The following GLT1D1 variants were observed in gnomAD, a reference collection of about 807,000 sequenced individuals.
GLT1D1 encodes the protein glycosyltransferase 1 domain containing 1.
In GLT1D1, 21 loss-of-function variants were observed where a neutral mutation model predicts 28.7. The observed-to-expected ratio is 0.73, with a 90% confidence interval of 0.52 to 1.05. The LOEUF is 1.05. Among genes scored for constraint, GLT1D1 ranks in the 50% least tolerant of loss-of-function variants. The probability of loss-of-function intolerance (pLI) is 0.00; values close to 1 mark genes in which losing one functional copy is unlikely to be tolerated. For synonymous variants in GLT1D1, 147 were observed against 124.8 expected (o/e 1.18, Z -1.19); for missense variants, 343 against 330.6 (o/e 1.04, Z -0.29).
chr12:128,869,728 A>G (rs983412566), intron 1 of GLT1D1, among the ~76,000 whole-genome samples: 5 of 152,008 alleles, frequency 3.3e-5, no homozygotes, highest in Non-Finnish European at 5.9e-5. Flanking sequence ...TTACTGGACT[A>G]TGGGGGCCTG....
intron 4 of GLT1D1, among the ~76,000 whole-genome samples, chr12:128,942,713 A>C (rs1341423942): frequency 1.4e-5 from 2 of 141,772 alleles, no homozygotes; most frequent in Admixed American, 7.1e-5. Context: ...CTCAGGAATC[A>C]CTTTAGATTC....
At chr12:128,968,203 G>T (rs2135534924) in intron 7 of GLT1D1, among the ~76,000 whole-genome samples, 1 of 151,898 alleles carries the variant, frequency 6.6e-6, no homozygotes, top group East Asian at 2.0e-4. Flanking sequence ...CACAGTGTTA[G>T]CCAAGATGGT....
chr12:128,872,845 CTCTT>C (rs1158392379), intron 1 of GLT1D1, among the ~76,000 whole-genome samples: 3 of 152,042 alleles, frequency 2.0e-5, no homozygotes, highest in Admixed American at 6.5e-5. Context: ...GCTCGTGTGT[CTCTT>C]TCTTTCTTTC....
chr12:128,984,922 G>A lies in GLT1D1; in HGVS notation c.*1832G>A, dbSNP rs943823911. On this transcript the variant is annotated 3_prime_UTR_variant, in exon 8 of 8. Transcript: ENST00000281703. ...ATGCCTCACGCACTATGTGGGAAGG[G>A]CGTGTTTTTAAATTAATAAAGTGTG... 1 of 152,200 alleles carries A rather than the reference G, an allele frequency of 6.6e-6. No homozygotes were observed. The allele number at this position is 152,200 out of a possible 1,614,324, so 9.4% of individuals were successfully genotyped here.
chr12:128,910,264 C>CTT (rs11361008), intron 4 of GLT1D1, among the ~76,000 whole-genome samples: 4,521 of 114,148 alleles, frequency 0.04, 274 homozygotes, highest in African/African-American at 0.13. Context: ...AAGTTTAACT[C>CTT]TTTTTTTTTT....
chr12:128,861,705 G>A (rs1429118114), intron 1 of GLT1D1, among the ~76,000 whole-genome samples: 1 of 152,200 alleles, frequency 6.6e-6, no homozygotes, highest in Non-Finnish European at 1.5e-5. Flanking sequence ...TTTAGATAAT[G>A]GGGGCAGATC....
chr12:128,890,252 C>T (rs543492762), intron 3 of GLT1D1, among the ~76,000 whole-genome samples: 1 of 152,278 alleles, frequency 6.6e-6, no homozygotes, highest in East Asian at 1.9e-4. Context: ...GCCTTCTCTG[C>T]GCAGCTCATC....
chr12:128,935,071 G>A (rs188658167), intron 4 of GLT1D1, among the ~76,000 whole-genome samples: 2 of 152,294 alleles, frequency 1.3e-5, no homozygotes, highest in Non-Finnish European at 2.9e-5. Context: ...TTGTGAGCCT[G>A]GAACAGGACA....
intron 4 of GLT1D1, among the ~76,000 whole-genome samples, chr12:128,899,600 A>G (rs1454056893): frequency 1.0e-4 from 14 of 134,442 alleles, no homozygotes; most frequent in African/African-American, 4.0e-4. Context: ...CCTAGGCTGG[A>G]GTGCAATGGC....
In GLT1D1 at chr12:128,960,756, G is replaced by A. The variant is rs538711082; in HGVS notation, c.639+3113G>A. 4.0e-5 allele frequency among the ~76,000 whole-genome samples: 6 copies of A among 149,892 alleles called. No homozygotes were observed. In the East Asian group the frequency reaches 7.8e-4, roughly 19 times the overall value. On this transcript the variant is annotated intron_variant, in intron 7 of 7. Coordinates refer to ENST00000281703, the MANE Select transcript of GLT1D1 (RefSeq NM_144669.3). ...GCACTCCAGCCTGGGTGACAGAGCT[G>A]GGTATCTAAAAAAAAAAATTAAATA...
intron 4 of GLT1D1, 25 bp from the exon 8 acceptor site, chr12:128,927,076 GTTTT>G: frequency 5.2e-6 from 8 of 1,524,928 alleles, no homozygotes; most frequent in Non-Finnish European, 7.0e-6. Flanking sequence ...CATTTGAAGT[GTTTT>G]TTTGTCTTCT....
chr12:128,888,851 A>C (rs1051388149), intron 3 of GLT1D1, 107 bp downstream of exon 3: 7 of 704,860 alleles, frequency 9.9e-6, no homozygotes, highest in Non-Finnish European at 1.7e-5. Context: ...TTTACATCTT[A>C]GCACTTAAAA....
intron 2 of GLT1D1, among the ~76,000 whole-genome samples, chr12:128,880,995 C>T (rs879519265): frequency 6.9e-6 from 1 of 145,772 alleles, no homozygotes; most frequent in Non-Finnish European, 1.5e-5. Flanking sequence ...GTGGTGGAGA[C>T]GGGCGGATCA....
chr12:128,982,933 T>A lies in GLT1D1; in HGVS notation c.644T>A (p.Phe215Tyr). The change falls in exon 8 of 8, where the codon TTT (phenylalanine) becomes TAT (tyrosine). Residue 215 changes from phenylalanine (F) to tyrosine (Y), a missense_variant. Physicochemically the swap from Phe to Tyr is conservative, Grantham distance 22. Coordinates refer to ENST00000281703, the MANE Select transcript of GLT1D1 (RefSeq NM_144669.3). ...CTTCTCCTTCCTTTTTTGCAGGAGT[T>A]TGTTCATCTGGCAAAGAGACTGGTT... is the stretch of plus-strand genomic sequence containing the variant. 4 of 1,614,072 alleles carry A rather than the reference T, an allele frequency of 2.5e-6. No homozygotes were observed. The highest frequency in any genetic ancestry group is 3.4e-6 in the Non-Finnish European group (4 of 1,179,940).
chr12:128,954,474 T>C (rs1353485603), intron 6 of GLT1D1, among the ~76,000 whole-genome samples: 1 of 152,160 alleles, frequency 6.6e-6, no homozygotes, highest in African/African-American at 2.4e-5. Context: ...TCTCGAGGTC[T>C]GGTTCTAAGG....
intron 7 of GLT1D1, among the ~76,000 whole-genome samples, chr12:128,976,950 A>G (rs1170099028): frequency 6.6e-6 from 1 of 152,250 alleles, no homozygotes; most frequent in Non-Finnish European, 1.5e-5. Context: ...GTTCAAGACC[A>G]GCCTAGCCAA....
chr12:128,958,218 G>A (rs1464971529), intron 7 of GLT1D1, among the ~76,000 whole-genome samples: 2 of 152,164 alleles, frequency 1.3e-5, no homozygotes, highest in South Asian at 2.1e-4. Context: ...ACAGTTCTGG[G>A]GATTTGCGGT....
intron 2 of GLT1D1, among the ~76,000 whole-genome samples, chr12:128,880,857 T>G (rs1459385052): frequency 3.3e-5 from 5 of 152,188 alleles, no homozygotes; most frequent in South Asian, 2.1e-4. Flanking sequence ...TTGGTTTTAT[T>G]TATGTTTTTA....
chr12:128,856,464 G>T (rs944449336), intron 1 of GLT1D1, among the ~76,000 whole-genome samples: 1 of 152,178 alleles, frequency 6.6e-6, no homozygotes, highest in Non-Finnish European at 1.5e-5. Flanking sequence ...TGATTGAGAG[G>T]CATGATGATG....
Sources: allele counts gnomAD v4.1 joint callset (sites outside exome capture counted in the v4.1 genomes callset), GRCh38; gene constraint gnomAD v4.1.1; transcripts MANE v1.5; gene names NCBI Gene and HGNC (gene_info 2026-07-23, HGNC 2026-07-21).